The following VPS13A variants were observed in gnomAD, a reference collection of about 807,000 sequenced individuals.
The protein encoded by VPS13A is vacuolar protein sorting 13 homolog A.
Under a neutral mutation model 390.9 loss-of-function variants are expected in VPS13A, and 264 were observed. The observed-to-expected ratio is 0.68, with a 90% CI of 0.61 to 0.75. The LOEUF is 0.75. VPS13A is among the 30% of genes least tolerant of loss of function. VPS13A has a pLI of 0.00. For synonymous variants in VPS13A, 1,231 were observed against 1,227.1 expected (o/e 1.00, Z -0.07); for missense variants, 3,409 against 3,733.9 (o/e 0.91, Z 2.27).
chr9:77,387,539 A>C (rs530971139), intron 68 of VPS13A, among the ~76,000 whole-genome samples: 3 of 152,288 alleles, frequency 2.0e-5, no homozygotes, highest in African/African-American at 7.2e-5. Flanking sequence ...TAACATATTG[A>C]AAACGGGCAG....
rs145345820 is a variant in VPS13A at position 77,287,158 on chromosome 9, GTAAA to G, written c.3339+3514_3339+3517del. ...GTAAATTATATATGTATAAATACTG[GTAAA>G]TAAATTAAGAAAAAACTAATTATAT... On this transcript the variant is annotated intron_variant, in intron 31 of 71. Coordinates refer to ENST00000360280, the MANE Select transcript of VPS13A (RefSeq NM_033305.3). Among the ~76,000 whole-genome samples the G allele has an allele frequency of 6.9e-3, 1,006 of 146,692 alleles. 5 individuals carry two copies. Among genetic ancestry groups the G allele is most frequent in the South Asian group, 0.01 (48 of 4,652 alleles).
At chr9:77,349,289 A>C (rs1831327669) in intron 52 of VPS13A, among the ~76,000 whole-genome samples, 1 of 151,990 alleles carries the variant, frequency 6.6e-6, no homozygotes, top group Non-Finnish European at 1.5e-5. Context: ...GCTTCAAAGC[A>C]CAATTTTTTT....
In VPS13A at chr9:77,321,726, A is replaced by G; in HGVS notation, c.5810A>G (p.Lys1937Arg). Residue 1937 changes from lysine to arginine, a missense_variant, in exon 44 of 72, where the codon AAA becomes AGA. Physicochemically the swap from Lys to Arg is conservative, Grantham distance 26. This residue lies in a region of VPS13A where 2,717 missense variants were observed against 2,917.4 expected (regional missense o/e 0.93). Transcript: ENST00000360280. ...AATGCAATGACCAGCCTAAGCAGCA[A>G]ACTCTTCTTCATTCTTCTTAGTAAG... ...HFNAMTSLSS[K>R]LFFILLTPVN... is the part of the protein sequence containing the mutation. 1 of 1,613,230 alleles carries G rather than the reference A, an allele frequency of 6.2e-7. No individual in the cohort carries two copies. The highest frequency in any genetic ancestry group is 1.1e-5 in the South Asian group (1 of 91,022).
chr9:77,178,661 T>A (rs963817524), intron 1 of VPS13A, among the ~76,000 whole-genome samples: 6 of 152,108 alleles, frequency 3.9e-5, no homozygotes, highest in Non-Finnish European at 7.3e-5. Flanking sequence ...GTCCGTTTAG[T>A]GTGGTATTCT....
chr9:77,407,515 T>C lies in VPS13A; in HGVS notation c.9400-18T>C, dbSNP rs752227097. 4.4e-6 allele frequency: 7 copies of C among 1,598,284 alleles called. No individual in the cohort carries two copies. Among genetic ancestry groups the C allele is most frequent in the Non-Finnish European group, 6.0e-6 (7 of 1,166,686 alleles). ...AACCAGATTATCTTTTTAATGAATT[T>C]ACATATTCTGTTTATAGGAACGAGT... On this transcript the variant is annotated intron_variant, in intron 70 of 71. Coordinates refer to ENST00000360280, the MANE Select transcript of VPS13A (RefSeq NM_033305.3).
At chr9:77,224,641 T>G (rs772744045) in intron 13 of VPS13A, among the ~76,000 whole-genome samples, 17 of 152,194 alleles carry the variant, frequency 1.1e-4, no homozygotes, top group African/African-American at 3.6e-4. Flanking sequence ...AGGAGCTGCT[T>G]CTTATAGAAG....
intron 2 of VPS13A, 93 bp from the exon 3 acceptor site, chr9:77,201,272 C>A (rs1443700896): frequency 5.9e-6 from 5 of 852,002 alleles, no homozygotes; most frequent in Admixed American, 2.1e-5. Flanking sequence ...TAAAAAATCC[C>A]TTGAAATAAT....
intron 54 of VPS13A, among the ~76,000 whole-genome samples, chr9:77,354,415 A>G (rs537390539): frequency 2.0e-5 from 3 of 152,208 alleles, no homozygotes; most frequent in South Asian, 4.1e-4. Flanking sequence ...TACTATTTAA[A>G]TAGATCAAAT....
At chr9:77,188,610 T>C (rs975823116) in intron 1 of VPS13A, among the ~76,000 whole-genome samples, 6 of 152,194 alleles carry the variant, frequency 3.9e-5, no homozygotes, top group Non-Finnish European at 7.3e-5. Flanking sequence ...TAGGACAGTT[T>C]ATGGTCCTTT....
intron 23 of VPS13A, among the ~76,000 whole-genome samples, chr9:77,264,017 G>A (rs754496531): frequency 3.9e-5 from 6 of 151,992 alleles, no homozygotes; most frequent in Non-Finnish European, 5.9e-5. Context: ...TTCCCCCATT[G>A]CTTGTTTTTG....
At chr9:77,256,677 G>A (rs987252966) in intron 22 of VPS13A, among the ~76,000 whole-genome samples, 1 of 151,932 alleles carries the variant, frequency 6.6e-6, no homozygotes, top group Non-Finnish European at 1.5e-5. Flanking sequence ...CTGATGTTTG[G>A]CACATATATG....
At chr9:77,206,969 C>A (rs1248552863) in intron 5 of VPS13A, among the ~76,000 whole-genome samples, 2 of 151,520 alleles carry the variant, frequency 1.3e-5, no homozygotes, top group East Asian at 3.9e-4. Context: ...TTCTCTGTAA[C>A]AGTTACTTTA....
chr9:77,369,493 T>G (rs1275589860), intron 63 of VPS13A, 81 bp downstream of exon 63: 1 of 965,046 alleles, frequency 1.0e-6, no homozygotes, highest in East Asian at 2.4e-5. Flanking sequence ...TTAAGTTGAG[T>G]TAATAAGTGC....
chr9:77,331,133 AT>A (rs146783254), intron 45 of VPS13A, among the ~76,000 whole-genome samples: 35,007 of 151,010 alleles, frequency 0.23, 4,348 homozygotes, highest in African/African-American at 0.32. Flanking sequence ...TTTCATTTTC[AT>A]TTTTTTTTAT....
chr9:77,269,644 A>T (rs1196813264), intron 23 of VPS13A, among the ~76,000 whole-genome samples: 1 of 152,230 alleles, frequency 6.6e-6, no homozygotes, highest in Non-Finnish European at 1.5e-5. Flanking sequence ...TCAGTTCATT[A>T]ACATGGTATA....
At chr9:77,255,658 TG>T (rs1341939996) in intron 22 of VPS13A, among the ~76,000 whole-genome samples, 4 of 152,104 alleles carry the variant, frequency 2.6e-5, no homozygotes, top group Non-Finnish European at 5.9e-5. Flanking sequence ...TTTTCTTTAT[TG>T]GGAGGTTTTT....
intron 34 of VPS13A, among the ~76,000 whole-genome samples, chr9:77,303,651 C>T (rs1476621505): frequency 6.6e-6 from 1 of 152,070 alleles, no homozygotes; most frequent in Admixed American, 6.6e-5. Flanking sequence ...AGTAGGAAAG[C>T]AGGGTGGTAA....
chr9:77,372,726 C>G (rs1832849381), intron 67 of VPS13A, among the ~76,000 whole-genome samples: 1 of 152,122 alleles, frequency 6.6e-6, no homozygotes, highest in Admixed American at 6.6e-5. Context: ...GATTGTATAT[C>G]TAGAAAACCC....
At chr9:77,233,096 A>C (rs905919850) in intron 17 of VPS13A, among the ~76,000 whole-genome samples, 3 of 152,092 alleles carry the variant, frequency 2.0e-5, no homozygotes, top group Admixed American at 2.0e-4. Context: ...GAAAAGTTTT[A>C]CTTCCTATTA....
Sources: gnomAD v4.1 joint callset for allele counts (sites outside exome capture counted in the v4.1 genomes callset) on GRCh38, gnomAD v4.1.1 for gene constraint, gnomAD v4.1.1 regional missense constraint, MANE v1.5 for transcripts, NCBI Gene and HGNC (gene_info 2026-07-23, HGNC 2026-07-21) for gene names.